The following KDM7A variants were observed in gnomAD, a reference collection of about 807,000 sequenced individuals.
KDM7A encodes the protein lysine-specific demethylase 7A.
KDM7A carries 28 observed loss-of-function variants against 114.8 expected under a neutral mutation model. The ratio of observed to expected loss-of-function variants is 0.24; its 90% CI spans 0.18 to 0.33. The LOEUF (loss-of-function observed/expected upper bound fraction) is 0.33. Among genes scored for constraint, KDM7A ranks in the 10% least tolerant of loss-of-function variants. The pLI, the probability that KDM7A is intolerant of heterozygous loss-of-function variation, is 1.00. For synonymous variants in KDM7A, 423 were observed against 397.8 expected (o/e 1.06, Z -0.75); for missense variants, 942 against 1,142.5 (o/e 0.82, Z 2.53).
chr7:140,091,339 A>C, intron 19 of KDM7A, 151 bp from the exon 20 acceptor site: 1 of 651,106 alleles, frequency 1.5e-6, no homozygotes, highest in Non-Finnish European at 2.8e-6. Context: ...CGCTGTTTAA[A>C]ACCCTTCCAC....
At chr7:140,126,541 C>T (rs1429773198) in intron 6 of KDM7A, 96 bp downstream of exon 6, 6 of 666,910 alleles carry the variant, frequency 9.0e-6, no homozygotes, top group Non-Finnish European at 1.4e-5. Flanking sequence ...AAACTTCCCC[C>T]TTTACAAGTA....
chr7:140,152,541 TTGATCCC>T (rs1441824902), intron 1 of KDM7A, among the ~76,000 whole-genome samples: 2 of 99,398 alleles, frequency 2.0e-5, no homozygotes, highest in African/African-American at 9.9e-5. Flanking sequence ...TGAGAATCAC[TTGATCCC>T]GGGAGGCGGA....
intron 16 of KDM7A, 51 bp downstream of exon 16, chr7:140,096,848 A>G: frequency 6.3e-7 from 1 of 1,591,550 alleles, no homozygotes; most frequent in Non-Finnish European, 8.6e-7. Context: ...AAAAGTGTTC[A>G]TAGTATTTAC....
chr7:140,131,360 A>C (rs2116809362), intron 3 of KDM7A, among the ~76,000 whole-genome samples: 1 of 152,274 alleles, frequency 6.6e-6, no homozygotes, highest in Non-Finnish European at 1.5e-5. Flanking sequence ...ACACATTCAA[A>C]ATTAAGTGTG....
Position 140,106,737 on chromosome 7 carries a change from G to A in KDM7A, c.1428+4358C>T, listed in dbSNP as rs143754162. ...TGGTCAACTTTGGAATAAGTGCGAC[G>A]TAGTGCTGAGAAGAATGTACATTCT... On this transcript the variant is annotated intron_variant, in intron 11 of 19. Coordinates refer to ENST00000397560, the MANE Select transcript of KDM7A (RefSeq NM_030647.2). 5.7e-3 allele frequency among the ~76,000 whole-genome samples: 872 copies of A among 152,316 alleles called. 17 individuals are homozygous for A. Among genetic ancestry groups the A allele is most frequent in the African/African-American group, 0.019 (795 of 41,562 alleles).
intron 12 of KDM7A, 82 bp from the exon 13 acceptor site, chr7:140,100,105 C>CT: frequency 7.0e-7 from 1 of 1,436,298 alleles, no homozygotes; most frequent in South Asian, 1.2e-5. Context: ...ATACCACCAC[C>CT]TCCCCCATGG....
intron 8 of KDM7A, among the ~76,000 whole-genome samples, chr7:140,119,994 G>A (rs1818593879): frequency 6.6e-6 from 1 of 152,146 alleles, no homozygotes; most frequent in Admixed American, 6.5e-5. Flanking sequence ...GTTACGCAAA[G>A]GTCAAATTCT....
At chr7:140,112,498 C>T (rs1415987172) in intron 10 of KDM7A, among the ~76,000 whole-genome samples, 2 of 152,042 alleles carry the variant, frequency 1.3e-5, no homozygotes, top group African/African-American at 4.8e-5. Flanking sequence ...GTAGTCCCAA[C>T]TACTCGGGAG....
intron 11 of KDM7A, among the ~76,000 whole-genome samples, chr7:140,106,951 T>C (rs1818347473): frequency 6.6e-6 from 1 of 152,222 alleles, no homozygotes; most frequent in Admixed American, 6.5e-5. Flanking sequence ...AAGGACTTGC[T>C]TTATGAATCT....
chr7:140,158,388 G>A (rs192037628), intron 1 of KDM7A, among the ~76,000 whole-genome samples: 6 of 152,268 alleles, frequency 3.9e-5, no homozygotes, highest in Admixed American at 3.9e-4. Context: ...ACAGGATTTG[G>A]CCAAATAATT....
intron 11 of KDM7A, among the ~76,000 whole-genome samples, chr7:140,106,046 A>G (rs1464643315): frequency 6.6e-6 from 1 of 151,928 alleles, no homozygotes; most frequent in East Asian, 1.9e-4. Flanking sequence ...GAATTTATCT[A>G]TTTCTTCTAG....
chr7:140,170,295 G>A (rs1794624338), intron 1 of KDM7A, among the ~76,000 whole-genome samples: 1 of 152,038 alleles, frequency 6.6e-6, no homozygotes, highest in Admixed American at 6.6e-5. Context: ...TTACATTAAA[G>A]AAAATAATTT....
intron 1 of KDM7A, among the ~76,000 whole-genome samples, chr7:140,161,563 G>T (rs558647183): frequency 9.9e-5 from 15 of 151,064 alleles, no homozygotes; most frequent in South Asian, 6.3e-4. Context: ...TTCTACGGTG[G>T]GGGGGACGGA....
intron 4 of KDM7A, 128 bp from the exon 5 acceptor site, chr7:140,127,711 T>C: frequency 7.3e-6 from 6 of 824,666 alleles, no homozygotes; most frequent in Non-Finnish European, 1.2e-5. Context: ...TAGACAAATA[T>C]TTTCCCTATA....
intron 5 of KDM7A, 26 bp from the exon 6 acceptor site, chr7:140,126,849 C>T (rs370953238): frequency 6.0e-6 from 9 of 1,506,732 alleles, no homozygotes; most frequent in Non-Finnish European, 7.2e-6. Flanking sequence ...CATACACACA[C>T]ACCCACATCA....
chr7:140,145,699 A>G (rs1794332319), intron 1 of KDM7A, among the ~76,000 whole-genome samples: 1 of 152,246 alleles, frequency 6.6e-6, no homozygotes, highest in African/African-American at 2.4e-5. Flanking sequence ...ACAGATGCCA[A>G]GTTGGCACTT....
At chr7:140,115,976 G>C (rs555354874) in intron 9 of KDM7A, among the ~76,000 whole-genome samples, 1 of 150,648 alleles carries the variant, frequency 6.6e-6, no homozygotes, top group South Asian at 2.1e-4. Context: ...AAAGCACAAA[G>C]AATACTACTT....
chr7:140,114,995 T>A (rs981894603), intron 9 of KDM7A, among the ~76,000 whole-genome samples: 2 of 151,258 alleles, frequency 1.3e-5, no homozygotes, highest in African/African-American at 4.9e-5. Flanking sequence ...ATCCGGGAAG[T>A]GAGGAGCGTC....
intron 8 of KDM7A, among the ~76,000 whole-genome samples, chr7:140,119,666 G>A (rs1435037205): frequency 3.3e-5 from 5 of 151,286 alleles, no homozygotes; most frequent in African/African-American, 9.7e-5. Flanking sequence ...CCTCCCTCAG[G>A]GACAGCTCAG....
Sources: gnomAD v4.1 joint callset for allele counts (sites outside exome capture counted in the v4.1 genomes callset) on GRCh38, gnomAD v4.1.1 for gene constraint, MANE v1.5 for transcripts, NCBI Gene and HGNC (gene_info 2026-07-23, HGNC 2026-07-21) for gene names.